Variants in KCNMA1 observed in about 807,000 individuals in gnomAD.
KCNMA1 encodes the protein potassium calcium-activated channel subfamily M alpha 1, also known as Calcium-activated potassium channel subunit alpha-1.
A neutral mutation model predicts 140.0 loss-of-function variants in KCNMA1; 29 were observed. The ratio of observed to expected loss-of-function variants is 0.21; its 90% CI spans 0.15 to 0.28. The LOEUF (loss-of-function observed/expected upper bound fraction) is 0.28. KCNMA1 is among the 10% of genes least tolerant of loss of function. The pLI is 1.00. For missense variants in KCNMA1, 880 were observed against 1,602.2 expected (o/e 0.55, Z 7.70); for synonymous variants, 612 against 611.9 (o/e 1.00, Z 0.00).
intron 16 of KCNMA1, among the ~76,000 whole-genome samples, chr10:77,027,472 GC>G (rs1448893717): frequency 6.6e-6 from 1 of 152,130 alleles, no homozygotes; most frequent in Non-Finnish European, 1.5e-5. Context: ...GAGTCCACCT[GC>G]TTTTTTGCTC....
intron 3 of KCNMA1, among the ~76,000 whole-genome samples, chr10:77,199,641 G>A (rs1242151482): frequency 6.6e-6 from 1 of 152,186 alleles, no homozygotes; most frequent in Non-Finnish European, 1.5e-5. Flanking sequence ...AAGGACTCTG[G>A]AAGCAGAAGA....
intron 1 of KCNMA1, among the ~76,000 whole-genome samples, chr10:77,550,153 G>A (rs528640096): frequency 5.9e-5 from 9 of 152,334 alleles, no homozygotes; most frequent in African/African-American, 1.9e-4. Context: ...CCAAGTCAGA[G>A]CAAAGGAGAA....
chr10:77,333,763 G>T (rs1175593747), intron 2 of KCNMA1, among the ~76,000 whole-genome samples: 6 of 152,160 alleles, frequency 3.9e-5, no homozygotes, highest in South Asian at 2.1e-4. Flanking sequence ...GACTACTACG[G>T]AGTGACTCCG....
At chr10:77,419,862 TG>T (rs2096830276) in intron 1 of KCNMA1, among the ~76,000 whole-genome samples, 2 of 152,124 alleles carry the variant, frequency 1.3e-5, no homozygotes, top group South Asian at 4.1e-4. Flanking sequence ...TGGAAGTCAT[TG>T]GTCCCAGTGG....
At chr10:77,559,371 C>T (rs546891208) in intron 1 of KCNMA1, among the ~76,000 whole-genome samples, 288 of 152,314 alleles carry the variant, frequency 1.9e-3, no homozygotes, top group African/African-American at 6.0e-3. Flanking sequence ...CTGGCACAGT[C>T]GACACTTCTC....
intron 1 of KCNMA1, among the ~76,000 whole-genome samples, chr10:77,476,378 T>C (rs1040476200): frequency 6.6e-6 from 1 of 152,140 alleles, no homozygotes; most frequent in Non-Finnish European, 1.5e-5. Context: ...CCCACTCCTG[T>C]GAGCCCTCCT....
intron 19 of KCNMA1, among the ~76,000 whole-genome samples, chr10:76,988,709 C>T (rs2153296122): frequency 6.6e-6 from 1 of 152,190 alleles, no homozygotes; most frequent in South Asian, 2.1e-4. Flanking sequence ...ATCTCCAGAC[C>T]TATTTTAGGG....
intron 1 of KCNMA1, among the ~76,000 whole-genome samples, chr10:77,432,290 T>C (rs1325837357): frequency 3.9e-5 from 6 of 152,198 alleles, no homozygotes; most frequent in African/African-American, 1.4e-4. Context: ...TGAGCACTAT[T>C]CTAGGCACTG....
At chr10:77,176,535 C>T (rs1301032179) in intron 5 of KCNMA1, among the ~76,000 whole-genome samples, 2 of 152,114 alleles carry the variant, frequency 1.3e-5, no homozygotes, top group African/African-American at 4.8e-5. Context: ...CCCCAACGGT[C>T]TCCTCCCTAA....
At chr10:77,447,947 G>A (rs1329299830) in intron 1 of KCNMA1, among the ~76,000 whole-genome samples, 1 of 152,198 alleles carries the variant, frequency 6.6e-6, no homozygotes, top group Non-Finnish European at 1.5e-5. Flanking sequence ...GATATTTGCA[G>A]AATCTGGTGC....
chr10:77,031,520 C>T (rs1374869030), intron 15 of KCNMA1, among the ~76,000 whole-genome samples: 1 of 152,184 alleles, frequency 6.6e-6, no homozygotes, highest in African/African-American at 2.4e-5. Context: ...CTAGATATTG[C>T]AAAATACAAA....
chr10:77,589,396 T>C (rs1418597153), intron 1 of KCNMA1, among the ~76,000 whole-genome samples: 1 of 152,162 alleles, frequency 6.6e-6, no homozygotes, highest in Non-Finnish European at 1.5e-5. Flanking sequence ...GCTCCTTTCC[T>C]GCCCAGAGTC....
intron 1 of KCNMA1, among the ~76,000 whole-genome samples, chr10:77,458,346 G>A (rs904123478): frequency 6.6e-6 from 1 of 152,180 alleles, no homozygotes; most frequent in African/African-American, 2.4e-5. Flanking sequence ...AAGGCCAGGG[G>A]TATGGGCAGG....
At chr10:77,593,963 G>C (rs2080018319) in intron 1 of KCNMA1, among the ~76,000 whole-genome samples, 1 of 152,192 alleles carries the variant, frequency 6.6e-6, no homozygotes, top group Non-Finnish European at 1.5e-5. Flanking sequence ...CAGGAGGGGA[G>C]GTAGCAGTAT....
rs144149578 is a variant in KCNMA1 at position 77,543,795 on chromosome 10, T to C, written c.378+93470A>G. On this transcript the variant is annotated intron_variant, in intron 1 of 27. Transcript: ENST00000286628. The stretch of plus-strand genomic sequence containing the variant: ...ATTATCAGCCTTAACAATGTAAAAA[T>C]AAGCTATAATTAAAATAAGAAAGGG... Among the ~76,000 whole-genome samples, 394 of 152,182 alleles carry C rather than the reference T, an allele frequency of 2.6e-3. 8 individuals are homozygous for C. Among genetic ancestry groups the C allele is most frequent in the Middle Eastern group, 0.01 (3 of 294 alleles).
At chr10:77,200,879 C>T (rs1321559768) in intron 3 of KCNMA1, among the ~76,000 whole-genome samples, 4 of 152,186 alleles carry the variant, frequency 2.6e-5, no homozygotes, top group African/African-American at 7.2e-5. Context: ...AACACTTCTG[C>T]TGCATCCACT....
chr10:77,125,746 T>C lies in KCNMA1; in HGVS notation c.809-4698A>G, dbSNP rs145156397. Among the ~76,000 whole-genome samples the C allele has an allele frequency of 9.1e-4, 139 of 152,362 alleles. 1 individual carries two copies. The highest frequency in any genetic ancestry group is 1.6e-3 in the Non-Finnish European group (109 of 68,040). ...AGGGCTATATTTCCAGCATTGAACA[T>C]AGTGTCTGGCATAAGGTGAAGGCTC... On this transcript the variant is annotated intron_variant, in intron 5 of 27. Coordinates refer to ENST00000286628, the MANE Select transcript of KCNMA1 (RefSeq NM_001161352.2).
At chr10:77,000,766 T>C (rs2085969616) in intron 19 of KCNMA1, among the ~76,000 whole-genome samples, 1 of 150,352 alleles carries the variant, frequency 6.7e-6, no homozygotes, top group Admixed American at 6.7e-5. Context: ...CAGTGCAGGC[T>C]GACAGACATA....
At chr10:77,633,091 C>T (rs552413234) in intron 1 of KCNMA1, among the ~76,000 whole-genome samples, 84 of 152,206 alleles carry the variant, frequency 5.5e-4, no homozygotes, top group African/African-American at 1.7e-3. Flanking sequence ...CCAAGGTGGG[C>T]GAATCACAAG....
Sources: gnomAD v4.1 joint callset for allele counts (sites outside exome capture counted in the v4.1 genomes callset) on GRCh38, gnomAD v4.1.1 for gene constraint, MANE v1.5 for transcripts, NCBI Gene and HGNC (gene_info 2026-07-23, HGNC 2026-07-21) for gene names.